NEXMIF: variants seen among roughly 807,000 people sequenced by gnomAD.
The protein encoded by NEXMIF is XLMR protein related to neurite extension.
NEXMIF carries 8 observed loss-of-function variants against 62.1 expected under a neutral mutation model. The observed-to-expected ratio is 0.13, with a 90% CI of 0.08 to 0.23. The LOEUF (loss-of-function observed/expected upper bound fraction) is 0.23, where lower values mean the gene tolerates loss of function less well. Ranked by LOEUF, NEXMIF falls within the 10% of genes least tolerant of loss-of-function variation. The probability of loss-of-function intolerance (pLI) is 1.00; values close to 1 mark genes in which losing one functional copy is unlikely to be tolerated. For synonymous variants in NEXMIF, 404 were observed against 416.6 expected, an observed-to-expected ratio of 0.97 and a Z score of 0.37; for missense variants, 976 against 1,113.3, an observed-to-expected ratio of 0.88 and a Z score of 1.75.
chrX:74,809,654 T>A (rs1346816307), intron 1 of NEXMIF, among the ~76,000 whole-genome samples: 2 of 111,360 alleles, frequency 1.8e-5, no homozygotes, highest in Non-Finnish European at 3.8e-5. Context: ...AGAAACTGAG[T>A]CATATGACAT....
At chrX:74,831,942 T>G (rs2080439146) in intron 1 of NEXMIF, among the ~76,000 whole-genome samples, 1 of 112,461 alleles carries the variant, frequency 8.9e-6, no homozygotes, top group Non-Finnish European at 1.9e-5. Flanking sequence ...GTACCATCCT[T>G]GTATCCCTGG....
intron 1 of NEXMIF, among the ~76,000 whole-genome samples, chrX:74,833,765 G>C (rs1045947495): frequency 9.0e-6 from 1 of 111,084 alleles, no homozygotes; most frequent in Non-Finnish European, 1.9e-5. Context: ...TGAGGTTACT[G>C]AGAGGCTTGC....
intron 1 of NEXMIF, among the ~76,000 whole-genome samples, chrX:74,764,503 C>G (rs1438172719): frequency 2.7e-5 from 3 of 111,899 alleles, no homozygotes; most frequent in African/African-American, 9.8e-5. Flanking sequence ...AGGGAGGATT[C>G]CCTCTTTTTC....
intron 1 of NEXMIF, among the ~76,000 whole-genome samples, chrX:74,916,142 T>C (rs754072865): frequency 8.9e-5 from 10 of 111,983 alleles, no homozygotes; most frequent in Non-Finnish European, 1.5e-4. Flanking sequence ...AGTCAATACA[T>C]CACGGCTAAT....
chrX:74,867,206 A>G (rs1176861534), intron 1 of NEXMIF, among the ~76,000 whole-genome samples: 2 of 112,254 alleles, frequency 1.8e-5, no homozygotes, highest in African/African-American at 6.5e-5. Context: ...CACACTGCCC[A>G]AAGTAATTTA....
At position 74,798,799 on chromosome X, in the gene NEXMIF, C is replaced by T. The variant is rs183729006; in HGVS notation, c.-47-53102G>A. Among the ~76,000 whole-genome samples, 351 of 109,539 alleles carry T rather than the reference C, an allele frequency of 3.2e-3. 2 individuals carry two copies. The highest frequency in any genetic ancestry group is 0.011 in the African/African-American group (334 of 30,080). On this transcript the variant is annotated intron_variant, in intron 1 of 3. Coordinates refer to ENST00000055682, the MANE Select transcript of NEXMIF (RefSeq NM_001008537.3). ...TGCCAGTGTCCAGTAATGCAACAGT[C>T]ACAGGGTAAAGAGAATAATACAGAA...
chrX:74,801,189 T>C (rs1308330169), intron 1 of NEXMIF, among the ~76,000 whole-genome samples: 2 of 112,000 alleles, frequency 1.8e-5, no homozygotes, highest in Admixed American at 9.5e-5. Context: ...TTTCATTGCA[T>C]GGATATAACA....
chrX:74,788,884 G>A (rs191223490), intron 1 of NEXMIF, among the ~76,000 whole-genome samples: 4 of 111,352 alleles, frequency 3.6e-5, no homozygotes, highest in East Asian at 2.8e-4. Flanking sequence ...CAAGTACCCC[G>A]CCATCTAATG....
chrX:74,794,536 T>G (rs1374139517), intron 1 of NEXMIF, among the ~76,000 whole-genome samples: 1 of 112,508 alleles, frequency 8.9e-6, no homozygotes. Flanking sequence ...TTTGTTTACC[T>G]TATCAAGCCT....
In NEXMIF at chrX:74,740,336, T is replaced by C. The variant is rs1346042581; in HGVS notation, c.4221A>G (p.Ile1407Met). 4 of 1,211,844 alleles carry C rather than the reference T, an allele frequency of 3.3e-6. No individual in the cohort carries two copies. Among genetic ancestry groups the C allele is most frequent in the Non-Finnish European group, 4.5e-6 (4 of 895,474 alleles). The change falls in exon 3 of 4, where the codon ATA (isoleucine) becomes ATG (methionine). Residue 1407 changes from isoleucine (I) to methionine (M), a missense_variant. This residue lies in a region of NEXMIF where 137 missense variants were observed against 128.9 expected (regional missense o/e 1.06). Coordinates refer to ENST00000055682, the MANE Select transcript of NEXMIF (RefSeq NM_001008537.3). ...GCATGTTTGCACGACCAGGATCACCTATTGCTGTTTTCCCATTGCTTTTGC... is the reference window on the plus strand; with the variant it reads ...GCATGTTTGCACGACCAGGATCACCCATTGCTGTTTTCCCATTGCTTTTGC... ...GVSKSNGKTAIGDPGRANMPG... is the reference protein window; with the variant it reads ...GVSKSNGKTAMGDPGRANMPG...
intron 1 of NEXMIF, among the ~76,000 whole-genome samples, chrX:74,900,512 C>G (rs1252153311): frequency 1.9e-5 from 2 of 102,854 alleles, no homozygotes; most frequent in Non-Finnish European, 4.0e-5. Flanking sequence ...AAACAGAAAA[C>G]AACAAATGTT....
intron 1 of NEXMIF, among the ~76,000 whole-genome samples, chrX:74,830,643 A>G (rs1032487785): frequency 8.9e-6 from 1 of 112,128 alleles, no homozygotes; most frequent in Admixed American, 9.5e-5. Flanking sequence ...TGCTTTGGGT[A>G]CTACAAACAT....
intron 1 of NEXMIF, among the ~76,000 whole-genome samples, chrX:74,776,201 G>A (rs2080227906): frequency 9.0e-6 from 1 of 111,589 alleles, no homozygotes; most frequent in Admixed American, 9.6e-5. Context: ...AAGAATGTTT[G>A]TGTGTCTGAT....
At chrX:74,831,274 T>C (rs2080435858) in intron 1 of NEXMIF, among the ~76,000 whole-genome samples, 1 of 110,446 alleles carries the variant, frequency 9.1e-6, no homozygotes, top group Non-Finnish European at 1.9e-5. Flanking sequence ...ACATGTGCCA[T>C]GTTGGTGTGC....
intron 1 of NEXMIF, among the ~76,000 whole-genome samples, chrX:74,802,313 G>A (rs1250095570): frequency 9.0e-6 from 1 of 111,388 alleles, no homozygotes; most frequent in Non-Finnish European, 1.9e-5. Context: ...TGGTGGTCAC[G>A]CGGGGTGCTT....
chrX:74,778,191 T>A (rs948250621), intron 1 of NEXMIF, among the ~76,000 whole-genome samples: 2 of 111,960 alleles, frequency 1.8e-5, no homozygotes, highest in Non-Finnish European at 3.8e-5. Flanking sequence ...GAACATGAAA[T>A]GCATGCTACA....
chrX:74,850,136 C>A lies in NEXMIF; in HGVS notation c.-48+74747G>T, dbSNP rs149551406. Among the ~76,000 whole-genome samples the A allele has an allele frequency of 3.0e-3, 336 of 111,879 alleles. 2 individuals carry two copies. The highest frequency in any genetic ancestry group is 0.01 in the African/African-American group (322 of 30,783). ...GGGATTTCACTGTCTCATCTACCAC[C>A]ATTAGCACTTGAGCACTTCTCCCAG... On this transcript the variant is annotated intron_variant, in intron 1 of 3. Transcript: ENST00000055682.
chrX:74,752,699 C>T (rs1373450719), intron 1 of NEXMIF, among the ~76,000 whole-genome samples: 1 of 111,647 alleles, frequency 9.0e-6, no homozygotes, highest in Non-Finnish European at 1.9e-5. Context: ...TCAAGAATAG[C>T]CAGCCTCCTC....
intron 1 of NEXMIF, among the ~76,000 whole-genome samples, chrX:74,793,754 C>G (rs1395646286): frequency 3.3e-5 from 3 of 90,839 alleles, no homozygotes; most frequent in Non-Finnish European, 6.6e-5. Flanking sequence ...ACCCTTTCTT[C>G]CAGTTGATCG....
Sources: gnomAD v4.1 joint callset for allele counts (sites outside exome capture counted in the v4.1 genomes callset) on GRCh38, gnomAD v4.1.1 for gene constraint, gnomAD v4.1.1 regional missense constraint, MANE v1.5 for transcripts, NCBI Gene and HGNC (gene_info 2026-07-23, HGNC 2026-07-21) for gene names.